The following ZNF622 variants were observed in gnomAD, a reference collection of about 807,000 sequenced individuals.
The protein encoded by ZNF622 is cytoplasmic 60S subunit biogenesis factor ZNF622.
ZNF622 carries 34 observed loss-of-function variants against 49.7 expected under a neutral mutation model. That is an observed-to-expected ratio of 0.68 (90% CI 0.52 to 0.91). ZNF622 has a LOEUF of 0.91. Ranked by LOEUF, ZNF622 falls within the 40% of genes least tolerant of loss-of-function variation. The pLI, the probability that ZNF622 is intolerant of heterozygous loss-of-function variation, is 0.00. For synonymous variants in ZNF622, 209 were observed against 228.7 expected, an observed-to-expected ratio of 0.91 and a Z score of 0.78; for missense variants, 569 against 616.4, an observed-to-expected ratio of 0.92 and a Z score of 0.81.
chr5:16,457,512 T>A (rs1312836530), intron 4 of ZNF622, among the ~76,000 whole-genome samples: 1 of 152,210 alleles, frequency 6.6e-6, no homozygotes, highest in Non-Finnish European at 1.5e-5. Flanking sequence ...AGAACTGTCA[T>A]CTTCAAAATA....
rs771277277 is a variant in ZNF622 at position 16,465,327 on chromosome 5, GTTC to G, written c.336_338del (p.Lys112del). On this transcript the variant is annotated inframe_deletion, in exon 1 of 6. Transcript: ENST00000308683. The surrounding 1 kb of genome is among the most constrained non-coding windows in gnomAD (Gnocchi z 6.2). ...TGTCCACGCCCAGTCCTTTCTCCAA[GTTC>G]TTTTCATTCATCATCTCCACTTTCC... 4 of 1,614,258 alleles carry G rather than the reference GTTC, an allele frequency of 2.5e-6. No homozygotes were observed. In the East Asian group the frequency reaches 6.7e-5, roughly 27 times the overall value.
chr5:16,453,904 A>T (rs543631452), intron 4 of ZNF622, among the ~76,000 whole-genome samples: 21 of 152,102 alleles, frequency 1.4e-4, no homozygotes, highest in Non-Finnish European at 2.8e-4. Flanking sequence ...CAATAGTGCC[A>T]AGGCTGAGTA....
intron 3 of ZNF622, among the ~76,000 whole-genome samples, chr5:16,460,510 G>T (rs1208696669): frequency 1.3e-5 from 2 of 151,892 alleles, no homozygotes; most frequent in Non-Finnish European, 2.9e-5. Context: ...CACTAGCTTT[G>T]TATGTAAAGG....
rs746674493 is a variant in ZNF622, at chr5:16,465,309, G to T, written c.357C>A (p.Gly119=). Residue 119 remains glycine, a synonymous_variant, in exon 1 of 6, where the codon GGC becomes GGA. Coordinates refer to ENST00000308683, the MANE Select transcript of ZNF622 (RefSeq NM_033414.3). This position sits in a 1 kb window ranked among gnomAD's most constrained non-coding sequence, Gnocchi z 6.2. ...TGGCATCCTTGTCCACACTGTCCAC[G>T]CCCAGTCCTTTCTCCAAGTTCTTTT... ...MNEKNLEKGL[G]VDSVDKDAMN... 6.2e-7 allele frequency: 1 copy of T among 1,614,138 alleles called. No homozygotes were observed.
chr5:16,458,303 C>T (rs968055114), intron 4 of ZNF622, among the ~76,000 whole-genome samples: 2 of 148,742 alleles, frequency 1.3e-5, no homozygotes, highest in African/African-American at 4.9e-5. Flanking sequence ...TGAATCATAA[C>T]CCAGAAATGA....
At chr5:16,453,641 G>C (rs569395550) in intron 4 of ZNF622, among the ~76,000 whole-genome samples, 1 of 144,950 alleles carries the variant, frequency 6.9e-6, no homozygotes, top group South Asian at 2.2e-4. Flanking sequence ...TGATGTTTGG[G>C]ACTACAAGCC....
intron 3 of ZNF622, among the ~76,000 whole-genome samples, chr5:16,459,135 G>T (rs969470335): frequency 6.6e-6 from 1 of 152,112 alleles, no homozygotes; most frequent in Non-Finnish European, 1.5e-5. Context: ...AGCTATATGG[G>T]TATACCCAGT....
rs764580981 is a variant in ZNF622 at position 16,463,699 on chromosome 5, A to C, written c.669T>G (p.Asp223Glu). 1 of 1,614,226 alleles carries C rather than the reference A, an allele frequency of 6.2e-7. No individual in the cohort carries two copies. Residue 223 changes from aspartate to glutamate, a missense_variant, in exon 2 of 6, where the codon GAT becomes GAG. Physicochemically the swap from Asp to Glu is conservative, Grantham distance 45. Transcript: ENST00000308683. This position sits in a 1 kb window ranked among gnomAD's most constrained non-coding sequence, Gnocchi z 4.2. ...IDSDEELECEDTEAMDDVVEQ... is the reference protein window; with the variant it reads ...IDSDEELECEETEAMDDVVEQ... ...CCACCACATCGTCCATTGCTTCAGTATCCTCACATTCCAATTCTTCATCAG... is the reference window on the plus strand; with the variant it reads ...CCACCACATCGTCCATTGCTTCAGTCTCCTCACATTCCAATTCTTCATCAG...
At chr5:16,461,882 A>G (rs1290644113) in intron 3 of ZNF622, among the ~76,000 whole-genome samples, 1 of 152,236 alleles carries the variant, frequency 6.6e-6, no homozygotes, top group Non-Finnish European at 1.5e-5. Flanking sequence ...AGGATTCTGA[A>G]TATAACCACA....
At chr5:16,458,094 G>A (rs1738060029) in intron 4 of ZNF622, among the ~76,000 whole-genome samples, 1 of 151,924 alleles carries the variant, frequency 6.6e-6, no homozygotes, top group South Asian at 2.1e-4. Context: ...TCCACCATGA[G>A]TCAGATACAC....
chr5:16,453,512 A>T (rs2126489229), intron 4 of ZNF622, among the ~76,000 whole-genome samples: 1 of 146,678 alleles, frequency 6.8e-6, no homozygotes, highest in South Asian at 2.2e-4. Context: ...ATAGGGGCCT[A>T]GGAGATAAGA....
intron 4 of ZNF622, among the ~76,000 whole-genome samples, chr5:16,456,791 G>C (rs977565707): frequency 6.6e-6 from 1 of 151,986 alleles, no homozygotes; most frequent in Non-Finnish European, 1.5e-5. Context: ...TGGTGTTTTA[G>C]AAAGAATGTT....
chr5:16,456,182 T>C (rs903378358), intron 4 of ZNF622, among the ~76,000 whole-genome samples: 13 of 152,198 alleles, frequency 8.5e-5, no homozygotes, highest in Admixed American at 7.9e-4. Flanking sequence ...ACTGCAGCCT[T>C]GTGACTCTTG....
At chr5:16,453,791 G>A (rs946823882) in intron 4 of ZNF622, among the ~76,000 whole-genome samples, 2 of 151,740 alleles carry the variant, frequency 1.3e-5, no homozygotes, top group African/African-American at 2.4e-5. Context: ...ACAGCTAGAG[G>A]GGTACTACTG....
intron 4 of ZNF622, among the ~76,000 whole-genome samples, chr5:16,458,255 T>TAA (rs55760045): frequency 1.7e-5 from 2 of 119,330 alleles, no homozygotes; most frequent in East Asian, 2.4e-4. Flanking sequence ...GGTCTACATC[T>TAA]AAAAAAAAAA....
intron 4 of ZNF622, among the ~76,000 whole-genome samples, chr5:16,455,044 G>A (rs1207038265): frequency 1.3e-5 from 2 of 152,114 alleles, no homozygotes; most frequent in African/African-American, 2.4e-5. Context: ...ATATTAATTA[G>A]GACAAAAGTA....
At chr5:16,454,847 G>A (rs571737831) in intron 4 of ZNF622, among the ~76,000 whole-genome samples, 28 of 152,176 alleles carry the variant, frequency 1.8e-4, no homozygotes, top group Non-Finnish European at 2.9e-4. Context: ...GCCCTTTCTA[G>A]GGAAAATGTC....
chr5:16,459,939 G>C (rs1011219697), intron 3 of ZNF622, among the ~76,000 whole-genome samples: 1 of 152,120 alleles, frequency 6.6e-6, no homozygotes, highest in Admixed American at 6.6e-5. Context: ...GCTGTTTCTT[G>C]ATCTAGGTGC....
In ZNF622 at chr5:16,458,596, G is replaced by A; in HGVS notation, c.1083C>T (p.Asp361=). The A allele has an allele frequency of 6.2e-7, 1 of 1,613,488 alleles. No homozygotes were observed. Among genetic ancestry groups the A allele is most frequent in the Non-Finnish European group, 8.5e-7 (1 of 1,179,608 alleles). The change falls in exon 4 of 6, where the codon GAC becomes GAT. Residue 361 remains aspartate, a synonymous_variant. Transcript: ENST00000308683. The stretch of plus-strand genomic sequence containing the variant: ...AGGGCAACTCCTCAGCCTTATTGGG[G>A]TCCTCCCCTTCCTTGTGATCTGGAT... The part of the protein sequence containing the change: ...SSYPDHKEGE[D]PNKAEELPSE...
Sources: gnomAD v4.1 joint callset for allele counts (sites outside exome capture counted in the v4.1 genomes callset) on GRCh38, gnomAD v4.1.1 for gene constraint, Gnocchi (gnomAD v3.1) non-coding constraint, MANE v1.5 for transcripts, NCBI Gene and HGNC (gene_info 2026-07-23, HGNC 2026-07-21) for gene names.